Variants in ATP11B observed in about 807,000 individuals in gnomAD.
The protein encoded by ATP11B is phospholipid-transporting ATPase IF.
ATP11B carries 81 observed loss-of-function variants against 157.8 expected under a neutral mutation model. That is an observed-to-expected ratio of 0.51 (90% CI 0.43 to 0.62). The LOEUF is 0.62. Among genes scored for constraint, ATP11B ranks in the 20% least tolerant of loss-of-function variants. ATP11B has a pLI of 0.00. For synonymous variants in ATP11B, 451 were observed against 469.4 expected, an observed-to-expected ratio of 0.96 and a Z score of 0.51; for missense variants, 1,165 against 1,402.2, an observed-to-expected ratio of 0.83 and a Z score of 2.70.
chr3:182,867,270 T>C lies in ATP11B; in HGVS notation c.1620-106T>C, dbSNP rs1268019185. ...AAAAGGAAATATTTTTAAATGCATTTTGAACTTTGATTTTAAATGTTTTTA... is the reference window on the plus strand; with the variant it reads ...AAAAGGAAATATTTTTAAATGCATTCTGAACTTTGATTTTAAATGTTTTTA... On this transcript the variant is annotated intron_variant, in intron 14 of 29. Coordinates refer to ENST00000323116, the MANE Select transcript of ATP11B (RefSeq NM_014616.3). 23 of 750,608 alleles carry C rather than the reference T, an allele frequency of 3.1e-5. 1 individual carries two copies. Among genetic ancestry groups the C allele is most frequent in the Non-Finnish European group, 4.5e-5 (20 of 448,630 alleles). 46.5% of individuals were successfully genotyped at this position (750,608 alleles called of 1,614,324 possible).
chr3:182,875,086 A>T (rs1442170958), intron 19 of ATP11B, among the ~76,000 whole-genome samples: 3 of 152,178 alleles, frequency 2.0e-5, no homozygotes, highest in African/African-American at 7.2e-5. Flanking sequence ...TATCTTTTAT[A>T]GGCATATCAA....
At chr3:182,896,804 A>G in intron 26 of ATP11B, 39 bp downstream of exon 26, 1 of 1,476,312 alleles carries the variant, frequency 6.8e-7, no homozygotes, top group Non-Finnish European at 9.5e-7. Flanking sequence ...ACATTTTGCA[A>G]CTGTTTACAT....
intron 20 of ATP11B, among the ~76,000 whole-genome samples, chr3:182,880,466 T>G (rs1301501133): frequency 6.6e-6 from 1 of 152,188 alleles, no homozygotes; most frequent in South Asian, 2.1e-4. Flanking sequence ...TAATCTTGAT[T>G]GATTTTTTTA....
intron 1 of ATP11B, among the ~76,000 whole-genome samples, chr3:182,795,430 T>A (rs1715542777): frequency 6.6e-6 from 1 of 152,254 alleles, no homozygotes. Flanking sequence ...ATCCTGGTTG[T>A]ATAACCATGC....
At chr3:182,892,523 A>G (rs542779008) in intron 25 of ATP11B, among the ~76,000 whole-genome samples, 16 of 152,290 alleles carry the variant, frequency 1.1e-4, no homozygotes, top group African/African-American at 3.6e-4. Context: ...AAGACTTGTA[A>G]TAGTTTGGGT....
chr3:182,819,635 T>C (rs1438749302), intron 1 of ATP11B, among the ~76,000 whole-genome samples: 1 of 152,222 alleles, frequency 6.6e-6, no homozygotes, highest in African/African-American at 2.4e-5. Context: ...CAATTGATAC[T>C]ATAATGGCTC....
In ATP11B at chr3:182,841,298, C is replaced by A. The variant is rs552313083; in HGVS notation, c.657-777C>A. On this transcript the variant is annotated intron_variant, in intron 7 of 29. Transcript: ENST00000323116. ...ATTTACTTTTTTATTATGTTCATTG[C>A]TTACCATCTCTCCCACTAGAATGTA... Among the ~76,000 whole-genome samples, 142 of 152,260 alleles carry A rather than the reference C, an allele frequency of 9.3e-4. 2 individuals are homozygous for A. Among genetic ancestry groups the A allele is most frequent in the African/African-American group, 3.1e-3 (130 of 41,546 alleles).
rs919214587 is a variant in ATP11B at position 182,915,015 on chromosome 3, A to T, written c.3452+1021A>T. 7.1e-6 allele frequency: 7 copies of T among 985,382 alleles called. 1 individual carries two copies. Among genetic ancestry groups the T allele is most frequent in the Admixed American group, 1.2e-4 (2 of 16,282 alleles). The allele number at this position is 985,382 out of a possible 1,614,324, so 61.0% of individuals were successfully genotyped here. A position where few individuals can be genotyped will look rare whatever the true frequency, so the allele number is the denominator to read the frequency against. On this transcript the variant is annotated intron_variant, in intron 29 of 29. Coordinates refer to ENST00000323116, the MANE Select transcript of ATP11B (RefSeq NM_014616.3). ...TGCCAGGGCTTGGAAAAGGTTGGAA[A>T]TTACCCCAGGAACAGGTTATAAAGA... is the stretch of plus-strand genomic sequence containing the variant.
rs190354366 is a variant in ATP11B, at chr3:182,884,691, T to C, written c.2510-62T>C. ...AACTATTATAAATAATTAAGATATT[T>C]GCAGATTTATCATGAAAATTACAGT... On this transcript the variant is annotated intron_variant, in intron 21 of 29. Transcript: ENST00000323116. The C allele has an allele frequency of 1.9e-4, 273 of 1,473,452 alleles. 1 individual carries two copies. The African/African-American group carries it at 3.3e-3, about 18-fold the overall frequency. The allele number at this position is 1,473,452 out of a possible 1,614,324, so 91.3% of individuals were successfully genotyped here.
At position 182,918,282 on chromosome 3, in the gene ATP11B, C is replaced by T; in HGVS notation, c.*178C>T. 1 of 751,016 alleles carries T rather than the reference C, an allele frequency of 1.3e-6. No homozygotes were observed. The highest frequency in any genetic ancestry group is 1.9e-6 in the Non-Finnish European group (1 of 516,904). 46.5% of individuals were successfully genotyped at this position (751,016 alleles called of 1,614,324 possible). A position where few individuals can be genotyped will look rare whatever the true frequency, so the allele number is the denominator to read the frequency against. On this transcript the variant is annotated 3_prime_UTR_variant, in exon 30 of 30. Coordinates refer to ENST00000323116, the MANE Select transcript of ATP11B (RefSeq NM_014616.3). Reference sequence around the variant, plus strand: ...AAGCATTAGTACAAGCCCCTCCCAACACCCTTAATTTGAATCTGAACATGT... The same window carrying T: ...AAGCATTAGTACAAGCCCCTCCCAATACCCTTAATTTGAATCTGAACATGT...
intron 28 of ATP11B, among the ~76,000 whole-genome samples, chr3:182,906,171 G>T (rs1724335814): frequency 6.6e-6 from 1 of 152,120 alleles, no homozygotes; most frequent in Non-Finnish European, 1.5e-5. Flanking sequence ...ATTCTAAGCT[G>T]TGAAGATATT....
At chr3:182,902,490 A>G in intron 28 of ATP11B, 4 of 1,289,426 alleles carry the variant, frequency 3.1e-6, no homozygotes, top group Non-Finnish European at 4.0e-6. Flanking sequence ...GATGTACTCC[A>G]ACACAGTTGC....
chr3:182,868,002 T>C (rs1461623232), intron 15 of ATP11B, among the ~76,000 whole-genome samples: 1 of 152,206 alleles, frequency 6.6e-6, no homozygotes, highest in African/African-American at 2.4e-5. Flanking sequence ...TGCTCTAGAA[T>C]GATGTTAACA....
intron 10 of ATP11B, among the ~76,000 whole-genome samples, chr3:182,849,093 G>A (rs1301966142): frequency 6.6e-6 from 1 of 152,168 alleles, no homozygotes. Flanking sequence ...AATGTAAGGG[G>A]ATTAGCATTA....
At chr3:182,850,596 A>G (rs1719899588) in intron 10 of ATP11B, among the ~76,000 whole-genome samples, 1 of 152,238 alleles carries the variant, frequency 6.6e-6, no homozygotes, top group Admixed American at 6.5e-5. Context: ...AGATGCTGGC[A>G]GGGATATGGA....
At chr3:182,917,863 A>G in intron 29 of ATP11B, 160 bp from the exon 30 acceptor site, 3 of 981,904 alleles carry the variant, frequency 3.1e-6, no homozygotes, top group Non-Finnish European at 3.6e-6. Flanking sequence ...TAATATAAAT[A>G]GAAAGTTTGG....
At chr3:182,818,540 C>T (rs1188261705) in intron 1 of ATP11B, among the ~76,000 whole-genome samples, 4 of 152,146 alleles carry the variant, frequency 2.6e-5, no homozygotes, top group African/African-American at 7.2e-5. Context: ...AACAAATAAA[C>T]ATGTTTGTTA....
intron 10 of ATP11B, among the ~76,000 whole-genome samples, chr3:182,855,173 A>C (rs1720289916): frequency 6.6e-6 from 1 of 152,230 alleles, no homozygotes; most frequent in African/African-American, 2.4e-5. Context: ...TACAGTAATC[A>C]AGACAATTTG....
intron 9 of ATP11B, among the ~76,000 whole-genome samples, chr3:182,846,479 C>T (rs1471785065): frequency 6.6e-6 from 1 of 151,862 alleles, no homozygotes; most frequent in African/African-American, 2.4e-5. Flanking sequence ...ACATATATAC[C>T]CAAAGTAACT....
Sources: gnomAD v4.1 joint callset for allele counts (sites outside exome capture counted in the v4.1 genomes callset) on GRCh38, gnomAD v4.1.1 for gene constraint, MANE v1.5 for transcripts, NCBI Gene and HGNC (gene_info 2026-07-23, HGNC 2026-07-21) for gene names.